Variants in DCHS2 observed in about 807,000 individuals in gnomAD.
DCHS2 encodes the protein protocadherin-23.
A neutral mutation model predicts 182.4 loss-of-function variants in DCHS2; 142 were observed. The observed-to-expected ratio is 0.78, with a 90% CI of 0.68 to 0.89. The LOEUF is 0.89. DCHS2 is among the 40% of genes least tolerant of loss of function. The probability of loss-of-function intolerance (pLI) is 0.00; values close to 1 mark genes in which losing one functional copy is unlikely to be tolerated. For synonymous variants in DCHS2, 1,740 were observed against 1,663.3 expected, an observed-to-expected ratio of 1.05 and a Z score of -1.12; for missense variants, 4,319 against 4,198.6, an observed-to-expected ratio of 1.03 and a Z score of -0.79.
intron 3 of DCHS2, among the ~76,000 whole-genome samples, chr4:154,338,950 G>T (rs1250082878): frequency 6.6e-6 from 1 of 152,148 alleles, no homozygotes; most frequent in East Asian, 1.9e-4. Context: ...GATATCTATA[G>T]ATCTTATATC....
chr4:154,486,288 C>T (rs562693237), intron 1 of DCHS2, among the ~76,000 whole-genome samples: 4 of 152,252 alleles, frequency 2.6e-5, no homozygotes, highest in East Asian at 3.9e-4. Context: ...AGCCAACACT[C>T]GGAGAGGGGA....
At chr4:154,455,287 G>A (rs1366911093) in intron 1 of DCHS2, among the ~76,000 whole-genome samples, 1 of 152,202 alleles carries the variant, frequency 6.6e-6, no homozygotes, top group East Asian at 1.9e-4. Flanking sequence ...GCCAGCTCAA[G>A]AGAACGACTG....
chr4:154,419,907 A>G (rs919649746), intron 1 of DCHS2, among the ~76,000 whole-genome samples: 4 of 151,846 alleles, frequency 2.6e-5, no homozygotes, highest in Non-Finnish European at 5.9e-5. Flanking sequence ...GGAAGTGGAC[A>G]TATATAGGCA....
At chr4:154,247,635 C>CAAAAA (rs67157369) in intron 16 of DCHS2, among the ~76,000 whole-genome samples, 7 of 100,140 alleles carry the variant, frequency 7.0e-5, no homozygotes, top group African/African-American at 2.4e-4. Context: ...GACTCCGTCT[C>CAAAAA]AAAAAAAAAA....
At chr4:154,359,832 C>T (rs1730035391) in intron 3 of DCHS2, among the ~76,000 whole-genome samples, 1 of 151,926 alleles carries the variant, frequency 6.6e-6, no homozygotes, top group Admixed American at 6.6e-5. Context: ...GTTCTACTTA[C>T]TCAATTGGAA....
At chr4:154,429,803 T>C (rs943113852) in intron 1 of DCHS2, among the ~76,000 whole-genome samples, 2 of 152,138 alleles carry the variant, frequency 1.3e-5, no homozygotes, top group African/African-American at 2.4e-5. Context: ...CATCCAGTAG[T>C]GAGTAGCCAC....
chr4:154,475,540 C>T (rs750520559), intron 1 of DCHS2, among the ~76,000 whole-genome samples: 46 of 152,210 alleles, frequency 3.0e-4, no homozygotes, highest in South Asian at 6.2e-4. Flanking sequence ...TTTATGACCA[C>T]GTCCAGTCCC....
chr4:154,313,442 G>A (rs376137038), intron 10 of DCHS2, among the ~76,000 whole-genome samples: 20 of 152,146 alleles, frequency 1.3e-4, no homozygotes, highest in South Asian at 1.0e-3. Context: ...AAACTGCATC[G>A]TAGAATGCTA....
chr4:154,369,503 CTT>C (rs1730540715), intron 2 of DCHS2, among the ~76,000 whole-genome samples: 2 of 152,206 alleles, frequency 1.3e-5, no homozygotes, highest in African/African-American at 4.8e-5. Flanking sequence ...TGTAGCTAAA[CTT>C]TTGTCCAGCT....
intron 16 of DCHS2, among the ~76,000 whole-genome samples, chr4:154,249,558 C>G (rs1307359590): frequency 5.9e-5 from 9 of 152,232 alleles, no homozygotes; most frequent in African/African-American, 2.2e-4. Flanking sequence ...CCCAGCAATC[C>G]TATTGCTGGG....
Position 154,240,805 on chromosome 4 carries a change from A to G in DCHS2, c.7091T>C (p.Ile2364Thr), listed in dbSNP as rs780474596. The G allele has an allele frequency of 2.5e-6, 4 of 1,613,574 alleles. No individual in the cohort carries two copies. In the African/African-American group the frequency reaches 5.3e-5, roughly 22 times the overall value. ...ATCATGAACTGACACATGAGTCACA[A>G]TTACACCAGGCAAAGAATCTGAAAT... Reference protein sequence around the residue: ...EITEDSLPGVIVTHVSVHDVD... With the variant: ...EITEDSLPGVTVTHVSVHDVD... Residue 2364 changes from isoleucine (I) to threonine (T), a missense_variant, in exon 18 of 20, where the codon ATT becomes ACT. Transcript: ENST00000357232.
rs116695896 is a variant in DCHS2, at chr4:154,448,281, G to A, written c.2052+41023C>T. Among the ~76,000 whole-genome samples, 686 of 152,182 alleles carry A rather than the reference G, an allele frequency of 4.5e-3. 5 individuals carry two copies. Among genetic ancestry groups the A allele is most frequent in the Non-Finnish European group, 6.5e-3 (440 of 68,018 alleles). On this transcript the variant is annotated intron_variant, in intron 1 of 19. Coordinates refer to ENST00000357232, the MANE Select transcript of DCHS2 (RefSeq NM_001358235.2). Reference sequence around the variant, plus strand: ...GCCTATGACTTCATTTTATATCTATGAATGTATCTTTTGCTCACTATTTTA... The same window carrying A: ...GCCTATGACTTCATTTTATATCTATAAATGTATCTTTTGCTCACTATTTTA...
At chr4:154,238,104 A>G (rs918041212) in intron 19 of DCHS2, among the ~76,000 whole-genome samples, 6 of 122,376 alleles carry the variant, frequency 4.9e-5, no homozygotes, top group African/African-American at 1.8e-4. Flanking sequence ...CCGGGGTGGC[A>G]GTTGCCATCA....
At chr4:154,307,438 C>CGT (rs1408755286) in intron 10 of DCHS2, among the ~76,000 whole-genome samples, 7 of 31,732 alleles carry the variant, frequency 2.2e-4, no homozygotes, top group African/African-American at 2.4e-4. Flanking sequence ...CAGATGTGCG[C>CGT]GCGCACACAC....
intron 1 of DCHS2, among the ~76,000 whole-genome samples, chr4:154,437,323 A>G (rs766219511): frequency 3.3e-5 from 5 of 151,848 alleles, no homozygotes; most frequent in Non-Finnish European, 5.9e-5. Context: ...TGGCCATCTC[A>G]CTCCTACCAC....
chr4:154,294,550 A>G (rs1257699639), intron 13 of DCHS2, among the ~76,000 whole-genome samples: 3 of 152,236 alleles, frequency 2.0e-5, no homozygotes, highest in Admixed American at 2.0e-4. Context: ...ATCCGCAGCA[A>G]ATGGATGTGT....
chr4:154,478,105 A>C (rs1735761727), intron 1 of DCHS2, among the ~76,000 whole-genome samples: 1 of 152,248 alleles, frequency 6.6e-6, no homozygotes, highest in Non-Finnish European at 1.5e-5. Context: ...ACACTAGTTA[A>C]TCCAAAACAC....
chr4:154,362,655 G>C (rs921601224), intron 3 of DCHS2, among the ~76,000 whole-genome samples: 2 of 152,062 alleles, frequency 1.3e-5, no homozygotes, highest in Non-Finnish European at 2.9e-5. Flanking sequence ...TTCAATAACA[G>C]TTACAAGTAT....
intron 2 of DCHS2, among the ~76,000 whole-genome samples, chr4:154,368,395 G>A (rs894999089): frequency 6.6e-6 from 1 of 152,090 alleles, no homozygotes; most frequent in Non-Finnish European, 1.5e-5. Flanking sequence ...TGAAAAAGTG[G>A]GGAAAATATG....
Sources: gnomAD v4.1 joint callset for allele counts (sites outside exome capture counted in the v4.1 genomes callset) on GRCh38, gnomAD v4.1.1 for gene constraint, MANE v1.5 for transcripts, NCBI Gene and HGNC (gene_info 2026-07-23, HGNC 2026-07-21) for gene names.